CDON: variants seen among roughly 807,000 people sequenced by gnomAD.
CDON encodes cell adhesion molecule-related/down-regulated by oncogenes.
In CDON, 73 loss-of-function variants were observed where a neutral mutation model predicts 120.9. The observed-to-expected ratio is 0.60, with a 90% CI of 0.50 to 0.73. The LOEUF (loss-of-function observed/expected upper bound fraction) is 0.73, where lower values mean the gene tolerates loss of function less well. Among genes scored for constraint, CDON ranks in the 30% least tolerant of loss-of-function variants. CDON has a pLI of 0.00. For synonymous variants in CDON, 566 were observed against 573.5 expected (o/e 0.99, Z 0.19); for missense variants, 1,470 against 1,587.3 (o/e 0.93, Z 1.26).
At chr11:125,967,600 C>A (rs1332906773) in intron 18 of CDON, among the ~76,000 whole-genome samples, 1 of 152,174 alleles carries the variant, frequency 6.6e-6, no homozygotes, top group East Asian at 1.9e-4. Context: ...GATCTTCTGC[C>A]TTGATGTCGC....
rs774574607 is a variant in CDON at position 125,992,627 on chromosome 11, A to T, written c.2650+1657T>A. ...AAACAATCATTCCCTCATTCAAAAAATATTTATTGAGCACCTACTATGTGC... is the reference window on the plus strand; with the variant it reads ...AAACAATCATTCCCTCATTCAAAAATTATTTATTGAGCACCTACTATGTGC... On this transcript the variant is annotated intron_variant, in intron 14 of 19. Coordinates refer to ENST00000531738, the MANE Select transcript of CDON (RefSeq NM_001378964.1). Among the ~76,000 whole-genome samples the T allele has an allele frequency of 2.6e-5, 4 of 152,358 alleles. No homozygotes were observed. The Middle Eastern group carries it at 0.01, about 389-fold the overall frequency.
At chr11:125,984,153 T>C in intron 15 of CDON, 60 bp from the exon 16 acceptor site, 1 of 1,233,250 alleles carries the variant, frequency 8.1e-7, no homozygotes, top group Non-Finnish European at 1.2e-6. Flanking sequence ...ATGAAATGGT[T>C]TACTCTCTGA....
intron 1 of CDON, among the ~76,000 whole-genome samples, chr11:126,050,749 G>T (rs773320238): frequency 6.6e-6 from 1 of 152,058 alleles, no homozygotes; most frequent in Admixed American, 6.6e-5. Flanking sequence ...GTCTGTGCAC[G>T]CCATGCACAG....
In CDON at chr11:126,015,330, AC is replaced by A; in HGVS notation, c.1108del (p.Val370LeufsTer12). The A allele has an allele frequency of 1.9e-6, 3 of 1,614,006 alleles. No homozygotes were observed. Among genetic ancestry groups the A allele is most frequent in the Non-Finnish European group, 2.5e-6 (3 of 1,179,952 alleles). On this transcript the variant is annotated frameshift_variant, in exon 7 of 20. Transcript: ENST00000531738. LOFTEE classifies it high-confidence loss of function. The stretch of plus-strand genomic sequence containing the variant: ...ATACATCCCAACATCTTCCACAGTA[AC>A]CCCACTGATTTTCAGTCCGTTTCCT... ...TAGNGLKISG[V>X]TVEDVGMYQC...
intron 14 of CDON, among the ~76,000 whole-genome samples, chr11:125,991,080 A>G (rs1274087794): frequency 6.6e-6 from 1 of 152,214 alleles, no homozygotes; most frequent in African/African-American, 2.4e-5. Flanking sequence ...AATAATTACT[A>G]CACTAGATTT....
rs890239462 is a variant in CDON, at chr11:125,957,264, G to C, written c.*3678C>G. The C allele has an allele frequency of 2.0e-5, 3 of 152,174 alleles. No homozygotes were observed. The highest frequency in any genetic ancestry group is 4.8e-5 in the African/African-American group (2 of 41,402). The allele number at this position is 152,174 out of a possible 1,614,324, so 9.4% of individuals were successfully genotyped here. On this transcript the variant is annotated 3_prime_UTR_variant, in exon 20 of 20. Coordinates refer to ENST00000531738, the MANE Select transcript of CDON (RefSeq NM_001378964.1). Reference sequence around the variant, plus strand: ...AGCGTCCCCTAAAACACTTGCCCAAGATCCTGCTCCTTCAGGGCCTTGATC... The same window carrying C: ...AGCGTCCCCTAAAACACTTGCCCAACATCCTGCTCCTTCAGGGCCTTGATC...
intron 11 of CDON, among the ~76,000 whole-genome samples, chr11:125,999,104 G>A (rs1946868191): frequency 6.6e-6 from 1 of 152,194 alleles, no homozygotes; most frequent in Non-Finnish European, 1.5e-5. Flanking sequence ...TTCAAAGCAG[G>A]CAATGCTGAG....
At chr11:126,016,855 TACA>T (rs1453727944) in intron 6 of CDON, among the ~76,000 whole-genome samples, 3 of 152,144 alleles carry the variant, frequency 2.0e-5, no homozygotes, top group African/African-American at 7.2e-5. Flanking sequence ...TTCTATATTG[TACA>T]ACGAGGTTGG....
chr11:126,030,401 T>C (rs115178812), intron 1 of CDON, among the ~76,000 whole-genome samples: 2,320 of 152,316 alleles, frequency 0.015, 68 homozygotes, highest in African/African-American at 0.053. Context: ...TCTGAATCAT[T>C]CCTCTTCCTA....
intron 14 of CDON, 87 bp from the exon 15 acceptor site, chr11:125,989,846 G>C: frequency 7.1e-6 from 9 of 1,264,406 alleles, no homozygotes; most frequent in Non-Finnish European, 1.0e-5. Flanking sequence ...GGATGAGGCT[G>C]GAGCAGCATC....
intron 1 of CDON, among the ~76,000 whole-genome samples, chr11:126,056,022 G>T (rs1033223702): frequency 6.6e-6 from 1 of 152,138 alleles, no homozygotes; most frequent in Non-Finnish European, 1.5e-5. Context: ...TACGTGGTGG[G>T]TATGTAGCCT....
rs370182552 is a variant in CDON at position 126,010,465 on chromosome 11, G to A, written c.1428C>T (p.Val476=). 5 of 1,614,016 alleles carry A rather than the reference G, an allele frequency of 3.1e-6. No individual in the cohort carries two copies. In the African/African-American group the frequency reaches 6.7e-5, roughly 22 times the overall value. The change falls in exon 8 of 20, where the codon GTC becomes GTT. Residue 476 remains valine (V), a synonymous_variant. Coordinates refer to ENST00000531738, the MANE Select transcript of CDON (RefSeq NM_001378964.1). ...GAGAGCTTGCACCAGCTTGGGACAG[G>A]ACGAAGTACACAGGCTCCAGGTTCA... ...EGLNLEPVYF[V]LSQAGASSLH... is the part of the protein sequence containing the mutation.
chr11:125,997,290 C>CA lies in CDON; in HGVS notation c.2278_2279insT (p.Arg760LeufsTer12). 1 of 1,614,030 alleles carries CA rather than the reference C, an allele frequency of 6.2e-7. No homozygotes were observed. The highest frequency in any genetic ancestry group is 8.5e-7 in the Non-Finnish European group (1 of 1,179,954). On this transcript the variant is annotated frameshift_variant, in exon 12 of 20. Transcript: ENST00000531738. LOFTEE classifies it high-confidence loss of function. ...CACCAGCCAATTGCTGGTCCTCATC[C>CA]GTTTATATTCGACTTTGAAGGCAGT...
chr11:126,049,640 TAC>T (rs746213077), intron 1 of CDON, among the ~76,000 whole-genome samples: 2 of 152,212 alleles, frequency 1.3e-5, no homozygotes, highest in Non-Finnish European at 2.9e-5. Context: ...TGGCCTGCAT[TAC>T]ACAGTGATAT....
chr11:126,027,512 A>G (rs759564733), intron 1 of CDON, among the ~76,000 whole-genome samples: 3 of 152,224 alleles, frequency 2.0e-5, no homozygotes. Flanking sequence ...GTGTGTGTAT[A>G]TATACATGCA....
intron 1 of CDON, among the ~76,000 whole-genome samples, chr11:126,030,622 A>G (rs115132226): frequency 0.015 from 2,322 of 152,326 alleles, 69 homozygotes; most frequent in African/African-American, 0.053. Flanking sequence ...CGATTTTCAA[A>G]CAATCTATCT....
intron 1 of CDON, among the ~76,000 whole-genome samples, chr11:126,050,778 T>C (rs1948539847): frequency 6.6e-6 from 1 of 152,170 alleles, no homozygotes; most frequent in African/African-American, 2.4e-5. Context: ...AGGACTTTTC[T>C]TTCCCAATCC....
At chr11:125,998,727 G>A (rs1399122880) in intron 11 of CDON, among the ~76,000 whole-genome samples, 1 of 152,210 alleles carries the variant, frequency 6.6e-6, no homozygotes, top group Non-Finnish European at 1.5e-5. Context: ...GTATGACAGT[G>A]ACATTGCAAA....
chr11:125,985,695 T>A (rs745702683), intron 15 of CDON, among the ~76,000 whole-genome samples: 5 of 152,176 alleles, frequency 3.3e-5, no homozygotes, highest in Admixed American at 1.3e-4. Context: ...ATCTACTCAG[T>A]TGAACAGACA....
Sources: allele counts gnomAD v4.1 joint callset (sites outside exome capture counted in the v4.1 genomes callset), GRCh38; gene constraint gnomAD v4.1.1; transcripts MANE v1.5; gene names NCBI Gene and HGNC (gene_info 2026-07-23, HGNC 2026-07-21).